Variants in SPA17 observed in about 807,000 individuals in gnomAD.
The protein encoded by SPA17 is sperm surface protein Sp17.
Under a neutral mutation model 13.8 loss-of-function variants are expected in SPA17, and 7 were observed. That is an observed-to-expected ratio of 0.51 (90% CI 0.29 to 0.95). SPA17 has a LOEUF of 0.95. Among genes scored for constraint, SPA17 ranks in the 40% least tolerant of loss-of-function variants. SPA17 has a pLI of 0.08. For missense variants in SPA17, 170 were observed against 179.3 expected, an observed-to-expected ratio of 0.95 and a Z score of 0.30; for synonymous variants, 61 against 59.0, an observed-to-expected ratio of 1.03 and a Z score of -0.16.
chr11:124,692,323 G>A (rs1246700176), intron 4 of SPA17, among the ~76,000 whole-genome samples: 1 of 152,184 alleles, frequency 6.6e-6, no homozygotes, highest in African/African-American at 2.4e-5. Flanking sequence ...GCTCACGTCT[G>A]TAATCCCAGC....
At chr11:124,689,002 T>C (rs1307648292) in intron 3 of SPA17, among the ~76,000 whole-genome samples, 2 of 152,118 alleles carry the variant, frequency 1.3e-5, no homozygotes, top group Non-Finnish European at 2.9e-5. Flanking sequence ...GAGCCAGAAA[T>C]AAAGCATATA....
At chr11:124,693,310 A>G (rs1374507072) in intron 4 of SPA17, among the ~76,000 whole-genome samples, 2 of 152,146 alleles carry the variant, frequency 1.3e-5, no homozygotes, top group African/African-American at 2.4e-5. Flanking sequence ...TATGAGATTG[A>G]GTAAATATTA....
intron 1 of SPA17, chr11:124,674,778 A>G (rs1397353413): frequency 1.3e-5 from 2 of 153,874 alleles, no homozygotes; most frequent in Non-Finnish European, 2.9e-5. Context: ...GCAAGGGGAA[A>G]GATTGTGCAA....
At chr11:124,678,197 T>C (rs1591403015) in intron 2 of SPA17, among the ~76,000 whole-genome samples, 1 of 152,212 alleles carries the variant, frequency 6.6e-6, no homozygotes. Flanking sequence ...AATACATCTA[T>C]ACAACTGAAT....
At chr11:124,677,235 T>A (rs987005651) in intron 2 of SPA17, among the ~76,000 whole-genome samples, 7 of 152,074 alleles carry the variant, frequency 4.6e-5, no homozygotes, top group Non-Finnish European at 8.8e-5. Context: ...CAGAATTCAG[T>A]CTCTTCAAAA....
chr11:124,691,958 T>C (rs1431366946), intron 4 of SPA17, among the ~76,000 whole-genome samples, 176 bp downstream of exon 4: 2 of 152,230 alleles, frequency 1.3e-5, no homozygotes, highest in African/African-American at 2.4e-5. Flanking sequence ...GCCATGCCTC[T>C]CTTGATCAAA....
intron 3 of SPA17, among the ~76,000 whole-genome samples, chr11:124,681,990 T>TTTA (rs1372821513): frequency 6.6e-6 from 1 of 152,138 alleles, no homozygotes; most frequent in Non-Finnish European, 1.5e-5. Context: ...AAGGTGGTAA[T>TTTA]GGTGTAGTTT....
intron 3 of SPA17, among the ~76,000 whole-genome samples, chr11:124,690,737 C>T (rs999257137): frequency 2.0e-5 from 3 of 152,152 alleles, no homozygotes; most frequent in Non-Finnish European, 4.4e-5. Context: ...GAGAACACTG[C>T]TCTAGACAAC....
intron 2 of SPA17, among the ~76,000 whole-genome samples, chr11:124,680,679 A>T (rs895668616): frequency 6.6e-6 from 1 of 152,204 alleles, no homozygotes; most frequent in Admixed American, 6.5e-5. Context: ...GTTATATTTT[A>T]AAAGAGTATA....
chr11:124,679,834 G>T (rs930282013), intron 2 of SPA17, among the ~76,000 whole-genome samples: 1 of 152,144 alleles, frequency 6.6e-6, no homozygotes, highest in Non-Finnish European at 1.5e-5. Flanking sequence ...ACCTGAATAA[G>T]CTACCACTGG....
At chr11:124,684,293 A>C (rs1231968450) in intron 3 of SPA17, among the ~76,000 whole-genome samples, 1 of 151,544 alleles carries the variant, frequency 6.6e-6, no homozygotes. Context: ...GCAGAGTCTC[A>C]TTCTGTCACC....
chr11:124,687,302 C>G (rs756537572), intron 3 of SPA17, among the ~76,000 whole-genome samples: 3 of 151,696 alleles, frequency 2.0e-5, no homozygotes, highest in Non-Finnish European at 4.4e-5. Context: ...AAATCTCCCC[C>G]ACCCCAACAC....
intron 3 of SPA17, among the ~76,000 whole-genome samples, chr11:124,683,725 A>G (rs1042281878): frequency 6.6e-6 from 1 of 151,874 alleles, no homozygotes; most frequent in African/African-American, 2.4e-5. Flanking sequence ...AGTAGAAAAC[A>G]ACAACAAACA....
intron 3 of SPA17, among the ~76,000 whole-genome samples, 176 bp downstream of exon 3, chr11:124,681,635 A>T (rs1390237416): frequency 3.3e-5 from 5 of 151,764 alleles, no homozygotes; most frequent in Non-Finnish European, 5.9e-5. Context: ...ATTATTTATT[A>T]AAAAGATTTA....
In SPA17 at chr11:124,696,511, G is replaced by A. The variant is rs1245608850; in HGVS notation, c.*2065G>A. On this transcript the variant is annotated 3_prime_UTR_variant, in exon 5 of 5. Transcript: ENST00000227135. ...CACACACACACACACAGATCTCATG[G>A]TAGTGATATTGGTAGTGAAGGAGGA... 7.9e-5 allele frequency: 12 copies of A among 151,658 alleles called. No homozygotes were observed. Among genetic ancestry groups the A allele is most frequent in the Non-Finnish European group, 2.9e-5 (2 of 67,980 alleles). The allele number at this position is 151,658 out of a possible 1,614,324, so 9.4% of individuals were successfully genotyped here.
chr11:124,695,291 TC>T lies in SPA17; in HGVS notation c.*847del, dbSNP rs1329282774. 6.6e-6 allele frequency: 1 copy of T among 152,222 alleles called. No individual in the cohort carries two copies. Among genetic ancestry groups the T allele is most frequent in the Non-Finnish European group, 1.5e-5 (1 of 68,042 alleles). The allele number at this position is 152,222 out of a possible 1,614,324, so 9.4% of individuals were successfully genotyped here. On this transcript the variant is annotated 3_prime_UTR_variant, in exon 5 of 5. Coordinates refer to ENST00000227135, the MANE Select transcript of SPA17 (RefSeq NM_017425.4). Reference sequence around the variant, plus strand: ...CTTACAATGCTTTATTGTTTTGCTCTCCAGAACCACACAGAACAAGACTAAT... The same window carrying T: ...CTTACAATGCTTTATTGTTTTGCTCTCAGAACCACACAGAACAAGACTAAT...
chr11:124,689,181 T>TA (rs1325450682), intron 3 of SPA17, among the ~76,000 whole-genome samples: 1 of 152,096 alleles, frequency 6.6e-6, no homozygotes, highest in African/African-American at 2.4e-5. Context: ...ATTAAAGACT[T>TA]AAACATAAGA....
intron 4 of SPA17, among the ~76,000 whole-genome samples, chr11:124,693,567 T>TATTA (rs1174395165): frequency 1.3e-5 from 2 of 152,086 alleles, no homozygotes; most frequent in Admixed American, 1.3e-4. Context: ...CTCATAATAA[T>TATTA]GGGTATCTCC....
intron 3 of SPA17, among the ~76,000 whole-genome samples, chr11:124,688,624 A>C (rs1227883354): frequency 2.0e-5 from 3 of 152,248 alleles, no homozygotes; most frequent in Non-Finnish European, 4.4e-5. Flanking sequence ...CTCATGGATC[A>C]AAAGAATTAA....
Sources: gnomAD v4.1 joint callset for allele counts (sites outside exome capture counted in the v4.1 genomes callset) on GRCh38, gnomAD v4.1.1 for gene constraint, MANE v1.5 for transcripts, NCBI Gene and HGNC (gene_info 2026-07-23, HGNC 2026-07-21) for gene names.